The following CDK6 variants were observed in gnomAD, a reference collection of about 807,000 sequenced individuals.
CDK6 encodes cyclin-dependent kinase 6.
A neutral mutation model predicts 37.1 loss-of-function variants in CDK6; 6 were observed. The observed-to-expected ratio is 0.16, with a 90% CI of 0.09 to 0.32. The LOEUF is 0.32. Among genes scored for constraint, CDK6 ranks in the 10% least tolerant of loss-of-function variants. CDK6 has a pLI of 1.00. For missense variants in CDK6, 224 were observed against 418.9 expected, an observed-to-expected ratio of 0.53 and a Z score of 4.06; for synonymous variants, 160 against 161.3, an observed-to-expected ratio of 0.99 and a Z score of 0.06.
chr7:92,781,695 T>TTC (rs1660524264), intron 2 of CDK6, among the ~76,000 whole-genome samples: 1 of 152,192 alleles, frequency 6.6e-6, no homozygotes, highest in African/African-American at 2.4e-5. Context: ...TTTTCCCCCA[T>TTC]TCTCTTCAAT....
chr7:92,626,448 TTTGA>T (rs957885594), intron 5 of CDK6, among the ~76,000 whole-genome samples: 2 of 152,086 alleles, frequency 1.3e-5, no homozygotes, highest in Non-Finnish European at 2.9e-5. Flanking sequence ...TAGGAAGTGG[TTTGA>T]TTAACTTACT....
At chr7:92,664,899 C>T (rs1796920766) in intron 5 of CDK6, among the ~76,000 whole-genome samples, 1 of 151,956 alleles carries the variant, frequency 6.6e-6, no homozygotes, top group African/African-American at 2.4e-5. Flanking sequence ...GATTCTCCTG[C>T]CTCAGCCTCC....
chr7:92,736,927 AC>A (rs1236450447), intron 3 of CDK6, among the ~76,000 whole-genome samples: 1 of 152,238 alleles, frequency 6.6e-6, no homozygotes, highest in African/African-American at 2.4e-5. Flanking sequence ...ATTTGTTCTC[AC>A]AGTTCAATTT....
At position 92,833,513 on chromosome 7, in the gene CDK6, G is replaced by A; in HGVS notation, c.-190C>T. 1.8e-6 allele frequency: 1 copy of A among 563,206 alleles called. No individual in the cohort carries two copies. The highest frequency in any genetic ancestry group is 3.6e-5 in the Admixed American group (1 of 28,074). 34.9% of individuals were successfully genotyped at this position (563,206 alleles called of 1,614,324 possible). A position where few individuals can be genotyped will look rare whatever the true frequency, so the allele number is the denominator to read the frequency against. Reference sequence around the variant, plus strand: ...AGAAGCTGGATGGAGAGACCTCCCCGCGGGGCTGGCGTAACCCTGGTGCCG... The same window carrying A: ...AGAAGCTGGATGGAGAGACCTCCCCACGGGGCTGGCGTAACCCTGGTGCCG... On this transcript the variant is annotated 5_prime_UTR_variant, in exon 2 of 8. Coordinates refer to ENST00000424848, the MANE Select transcript of CDK6 (RefSeq NM_001145306.2). This position sits in a 1 kb window ranked among gnomAD's most constrained non-coding sequence, Gnocchi z 6.1.
intron 2 of CDK6, among the ~76,000 whole-genome samples, chr7:92,832,705 C>T (rs1376465111): frequency 6.6e-6 from 1 of 152,326 alleles, no homozygotes; most frequent in Middle Eastern, 3.4e-3. Context: ...CAAAAATTCC[C>T]CAACGGCATG....
At chr7:92,783,505 C>T (rs1296969361) in intron 2 of CDK6, among the ~76,000 whole-genome samples, 1 of 152,122 alleles carries the variant, frequency 6.6e-6, no homozygotes, top group Non-Finnish European at 1.5e-5. Context: ...ATTCCTACAG[C>T]CTTTAAGAGA....
intron 4 of CDK6, among the ~76,000 whole-genome samples, chr7:92,675,024 G>A (rs1797172562): frequency 6.6e-6 from 1 of 152,090 alleles, no homozygotes; most frequent in Non-Finnish European, 1.5e-5. Context: ...TGTAGAGATA[G>A]GGTTTCACCA....
intron 2 of CDK6, among the ~76,000 whole-genome samples, chr7:92,824,476 A>C (rs1008147944): frequency 2.6e-5 from 4 of 152,150 alleles, no homozygotes; most frequent in African/African-American, 9.6e-5. Flanking sequence ...TGTTCTCAGC[A>C]GCATTTGGTC....
At chr7:92,624,232 T>A (rs562748441) in intron 5 of CDK6, among the ~76,000 whole-genome samples, 1 of 152,068 alleles carries the variant, frequency 6.6e-6, no homozygotes, top group Non-Finnish European at 1.5e-5. Flanking sequence ...ATGGGCTGAA[T>A]TTTTTTCCCC....
At chr7:92,807,427 T>C (rs960504310) in intron 2 of CDK6, among the ~76,000 whole-genome samples, 1 of 151,930 alleles carries the variant, frequency 6.6e-6, no homozygotes, top group Admixed American at 6.6e-5. Context: ...TAGATAGATA[T>C]ACATCTCTTT....
chr7:92,700,406 G>A (rs1797816743), intron 4 of CDK6, among the ~76,000 whole-genome samples: 1 of 152,214 alleles, frequency 6.6e-6, no homozygotes, highest in Admixed American at 6.5e-5. Context: ...TAAAACCACA[G>A]CAGTAGGAGA....
Position 92,609,096 on chromosome 7 carries a change from A to G in CDK6, c.*6044T>C, listed in dbSNP as rs997002741. The G allele has an allele frequency of 1.3e-5, 3 of 232,932 alleles. No individual in the cohort carries two copies. Among genetic ancestry groups the G allele is most frequent in the Non-Finnish European group, 2.5e-5 (3 of 117,942 alleles). 14.4% of individuals were successfully genotyped at this position (232,932 alleles called of 1,614,324 possible). Reference sequence around the variant, plus strand: ...TCTGACTGCCCCTAGTGTATGTGGCATTTTGGTTCAGTATGAATTACTGAG... The same window carrying G: ...TCTGACTGCCCCTAGTGTATGTGGCGTTTTGGTTCAGTATGAATTACTGAG... On this transcript the variant is annotated 3_prime_UTR_variant, in exon 8 of 8. Transcript: ENST00000424848.
chr7:92,727,814 G>C (rs944770057), intron 3 of CDK6, among the ~76,000 whole-genome samples: 1 of 152,134 alleles, frequency 6.6e-6, no homozygotes, highest in African/African-American at 2.4e-5. Flanking sequence ...AGCACTGCAG[G>C]TCCAATAAGT....
chr7:92,815,695 A>G (rs1801011561), intron 2 of CDK6, among the ~76,000 whole-genome samples: 1 of 152,184 alleles, frequency 6.6e-6, no homozygotes, highest in African/African-American at 2.4e-5. Flanking sequence ...ATCAGAGTTG[A>G]GAAGACAAGG....
chr7:92,796,368 T>C (rs2115878358), intron 2 of CDK6, among the ~76,000 whole-genome samples: 1 of 152,200 alleles, frequency 6.6e-6, no homozygotes, highest in East Asian at 1.9e-4. Context: ...TGTTTCAAGA[T>C]ACAAAAATGA....
chr7:92,709,507 T>C (rs1452762260), intron 4 of CDK6, among the ~76,000 whole-genome samples: 1 of 152,106 alleles, frequency 6.6e-6, no homozygotes, highest in East Asian at 1.9e-4. Flanking sequence ...GTAAGAGTTG[T>C]AGAGGCAACT....
rs534168534 is a variant in CDK6 at position 92,711,370 on chromosome 7, T to A, written c.537+14256A>T. On this transcript the variant is annotated intron_variant, in intron 4 of 7. Transcript: ENST00000424848. The stretch of plus-strand genomic sequence containing the variant: ...AAATCCCAAACAAACAGAAAACCTG[T>A]ATGTATACTATTATAGGCACATCCA... Among the ~76,000 whole-genome samples, 33 of 152,130 alleles carry A rather than the reference T, an allele frequency of 2.2e-4. 1 individual carries two copies. In the East Asian group the frequency reaches 6.4e-3, roughly 29 times the overall value.
intron 3 of CDK6, among the ~76,000 whole-genome samples, chr7:92,733,141 A>G (rs1043412660): frequency 6.6e-6 from 1 of 152,212 alleles, no homozygotes; most frequent in Non-Finnish European, 1.5e-5. Flanking sequence ...GATTCACCCC[A>G]GGGTGAGGTA....
chr7:92,795,339 T>C (rs1584096916), intron 2 of CDK6, among the ~76,000 whole-genome samples: 1 of 152,158 alleles, frequency 6.6e-6, no homozygotes, highest in South Asian at 2.1e-4. Context: ...GTCCAGAATC[T>C]ATTAACTTGT....
Sources: allele counts gnomAD v4.1 joint callset (sites outside exome capture counted in the v4.1 genomes callset), GRCh38; gene constraint gnomAD v4.1.1; non-coding constraint Gnocchi (gnomAD v3.1); transcripts MANE v1.5; gene names NCBI Gene and HGNC (gene_info 2026-07-23, HGNC 2026-07-21).